SUSD5: variants seen among roughly 807,000 people sequenced by gnomAD.
The protein encoded by SUSD5 is sushi domain-containing protein 5.
Under a neutral mutation model 29.5 loss-of-function variants are expected in SUSD5, and 33 were observed. The observed-to-expected ratio is 1.12, with a 90% CI of 0.85 to 1.49. The LOEUF (loss-of-function observed/expected upper bound fraction) is 1.49. Ranked by LOEUF, SUSD5 falls within the 40% of genes most tolerant of loss-of-function variation. SUSD5 has a pLI of 0.00. For synonymous variants in SUSD5, 308 were observed against 325.3 expected (o/e 0.95, Z 0.57); for missense variants, 776 against 800.6 (o/e 0.97, Z 0.37).
chr3:33,211,605 G>C (rs145553122), intron 2 of SUSD5, among the ~76,000 whole-genome samples: 2 of 152,270 alleles, frequency 1.3e-5, no homozygotes, highest in Non-Finnish European at 2.9e-5. Flanking sequence ...GAGTCAGCAT[G>C]GCTATGTTTT....
At chr3:33,163,210 C>G (rs938515100) in intron 4 of SUSD5, among the ~76,000 whole-genome samples, 4 of 152,026 alleles carry the variant, frequency 2.6e-5, no homozygotes, top group Admixed American at 2.0e-4. Context: ...AACCTTGGTA[C>G]CAAAACCTGG....
chr3:33,200,673 A>G (rs551369407), intron 3 of SUSD5, among the ~76,000 whole-genome samples: 208 of 152,312 alleles, frequency 1.4e-3, no homozygotes, highest in Middle Eastern at 3.4e-3. Flanking sequence ...CTCATACAAT[A>G]CCTAAACAAC....
intron 3 of SUSD5, among the ~76,000 whole-genome samples, chr3:33,178,990 T>A (rs117533494): frequency 6.6e-6 from 1 of 152,220 alleles, no homozygotes; most frequent in Non-Finnish European, 1.5e-5. Flanking sequence ...GGTGCTTTCT[T>A]TGGAAGGTTG....
chr3:33,152,643 G>GCC lies in SUSD5; in HGVS notation c.*97_*98dup. 1 of 1,291,848 alleles carries GCC rather than the reference G, an allele frequency of 7.7e-7. No homozygotes were observed. The allele number at this position is 1,291,848 out of a possible 1,614,324, so 80.0% of individuals were successfully genotyped here. On this transcript the variant is annotated 3_prime_UTR_variant, in exon 5 of 5. Coordinates refer to ENST00000309558, the MANE Select transcript of SUSD5 (RefSeq NM_015551.2). ...CAAAGGGCTGAGGAAAAAATGATGA[G>GCC]CCTCAGTCCACCTGCGTCATGCTCT...
At chr3:33,188,671 A>G (rs1292820721) in intron 3 of SUSD5, among the ~76,000 whole-genome samples, 2 of 152,196 alleles carry the variant, frequency 1.3e-5, no homozygotes, top group South Asian at 2.1e-4. Flanking sequence ...GGCAAAACCT[A>G]TATGTGGTGA....
At chr3:33,207,750 A>T in intron 3 of SUSD5, 58 bp downstream of exon 3, 1 of 1,183,980 alleles carries the variant, frequency 8.4e-7, no homozygotes, top group Non-Finnish European at 1.2e-6. Context: ...AACCAACCTC[A>T]TATAGCAATC....
Position 33,153,512 on chromosome 3 carries a change from A to C in SUSD5, c.1120T>G (p.Tyr374Asp). 1 of 1,613,976 alleles carries C rather than the reference A, an allele frequency of 6.2e-7. No homozygotes were observed. The highest frequency in any genetic ancestry group is 1.1e-5 in the South Asian group (1 of 91,062). The change falls in exon 5 of 5, where the codon TAC becomes GAC. Residue 374 changes from tyrosine (Y) to aspartate (D), a missense_variant. Coordinates refer to ENST00000309558, the MANE Select transcript of SUSD5 (RefSeq NM_015551.2). ...CTCCAAGCCCCCTCTGTCACAGGGT[A>C]GCCATCTAACCAGGACTCATCACTG... is the stretch of plus-strand genomic sequence containing the variant. ...SSSDESWLDG[Y>D]PVTEGAWRKT...
Position 33,175,004 on chromosome 3 carries a change from C to T in SUSD5, c.480G>A (p.Gly160=). ...ILQGRTGLEM[G]DELLYVCAPG... ...GGGCACACACGTACAGCAGTTCATC[C>T]CCCATTTCCAAGCCGGTGCGGCCCT... Residue 160 remains glycine (G), a synonymous_variant, in exon 4 of 5, where the codon GGG becomes GGA. Coordinates refer to ENST00000309558, the MANE Select transcript of SUSD5 (RefSeq NM_015551.2). The T allele has an allele frequency of 3.1e-6, 5 of 1,614,058 alleles. No individual in the cohort carries two copies. In the South Asian group the frequency reaches 5.5e-5, roughly 18 times the overall value.
In SUSD5 at chr3:33,153,455, C is replaced by G; in HGVS notation, c.1177G>C (p.Asp393His). 6.2e-7 allele frequency: 1 copy of G among 1,614,112 alleles called. No homozygotes were observed. Among genetic ancestry groups the G allele is most frequent in the Non-Finnish European group, 8.5e-7 (1 of 1,180,018 alleles). Residue 393 changes from aspartate (D) to histidine (H), a missense_variant, in exon 5 of 5, where the codon GAC becomes CAC. Asp to His is a moderately conservative substitution (Grantham distance 81). Coordinates refer to ENST00000309558, the MANE Select transcript of SUSD5 (RefSeq NM_015551.2). ...AGCCCTACTGACCCATCCCCTCTGTCCCCATCTTCTTCCTCTTCTGCCTCT... is the reference window on the plus strand; with the variant it reads ...AGCCCTACTGACCCATCCCCTCTGTGCCCATCTTCTTCCTCTTCTGCCTCT... ...KTEAEEEEDG[D>H]RGDGSVGLDE...
intron 4 of SUSD5, among the ~76,000 whole-genome samples, chr3:33,164,691 T>C (rs2125616660): frequency 6.6e-6 from 1 of 152,180 alleles, no homozygotes; most frequent in Admixed American, 6.5e-5. Flanking sequence ...AATAGCCCAG[T>C]AGAAAAATGG....
intron 4 of SUSD5, among the ~76,000 whole-genome samples, chr3:33,159,360 G>A (rs778519351): frequency 4.6e-5 from 7 of 152,166 alleles, no homozygotes; most frequent in Admixed American, 1.3e-4. Flanking sequence ...GCACCTCAGA[G>A]TATCTGTGGC....
intron 4 of SUSD5, among the ~76,000 whole-genome samples, chr3:33,172,180 AACACACACACACAC>A (rs10576154): frequency 1.7e-3 from 252 of 148,350 alleles, no homozygotes; most frequent in African/African-American, 2.1e-3. Context: ...ACTCTTGTAA[AACACACACACACAC>A]ACACACACAC....
chr3:33,157,823 G>C (rs907630341), intron 4 of SUSD5, among the ~76,000 whole-genome samples: 2 of 152,252 alleles, frequency 1.3e-5, no homozygotes, highest in Non-Finnish European at 2.9e-5. Context: ...GGCCACCGTA[G>C]ATTAGCCAGC....
rs58558785 is a variant in SUSD5 at position 33,171,721 on chromosome 3, A to G, written c.598+3165T>C. Among the ~76,000 whole-genome samples, 370 of 152,242 alleles carry G rather than the reference A, an allele frequency of 2.4e-3. 4 individuals carry two copies. Among genetic ancestry groups the G allele is most frequent in the African/African-American group, 8.4e-3 (349 of 41,530 alleles). ...TACATCCCCCACCCTCCACATACAC[A>G]CTGAAAACACAAGGCTGTCAGAACC... On this transcript the variant is annotated intron_variant, in intron 4 of 4. Transcript: ENST00000309558.
chr3:33,170,911 T>C (rs139094888), intron 4 of SUSD5, among the ~76,000 whole-genome samples: 15 of 152,354 alleles, frequency 9.8e-5, no homozygotes, highest in African/African-American at 2.9e-4. Flanking sequence ...AAAGGTCTCA[T>C]TGATCAGCAC....
intron 4 of SUSD5, 108 bp from the exon 5 acceptor site, chr3:33,154,141 ACT>A (rs1286853831): frequency 2.3e-6 from 2 of 871,102 alleles, no homozygotes; most frequent in Non-Finnish European, 3.4e-6. Context: ...AATAAATAAT[ACT>A]GTTATTATTC....
chr3:33,163,707 A>G (rs900286472), intron 4 of SUSD5, among the ~76,000 whole-genome samples: 3 of 152,144 alleles, frequency 2.0e-5, no homozygotes, highest in Admixed American at 2.0e-4. Context: ...CTAAAAAAAT[A>G]TAAAAAATGG....
At chr3:33,203,890 G>A (rs184711069) in intron 3 of SUSD5, among the ~76,000 whole-genome samples, 210 of 152,216 alleles carry the variant, frequency 1.4e-3, no homozygotes, top group Middle Eastern at 3.4e-3. Context: ...TGTTTTTGGA[G>A]AAGTATGTAG....
At chr3:33,191,186 G>A (rs1342711478) in intron 3 of SUSD5, among the ~76,000 whole-genome samples, 1 of 151,574 alleles carries the variant, frequency 6.6e-6, no homozygotes, top group East Asian at 1.9e-4. Context: ...CTGGAGTGCA[G>A]TGGCATGATC....
Sources: gnomAD v4.1 joint callset for allele counts (sites outside exome capture counted in the v4.1 genomes callset) on GRCh38, gnomAD v4.1.1 for gene constraint, MANE v1.5 for transcripts, NCBI Gene and HGNC (gene_info 2026-07-23, HGNC 2026-07-21) for gene names.